RIT2: variants seen among roughly 807,000 people sequenced by gnomAD.
The protein encoded by RIT2 is Ras like without CAAX 2.
Under a neutral mutation model 23.7 loss-of-function variants are expected in RIT2, and 24 were observed. That is an observed-to-expected ratio of 1.01 (90% CI 0.73 to 1.43). RIT2 has a LOEUF of 1.43. Ranked by LOEUF, RIT2 falls within the 40% of genes most tolerant of loss-of-function variation. The pLI is 0.00. For missense variants in RIT2, 236 were observed against 266.9 expected (o/e 0.88, Z 0.81); for synonymous variants, 107 against 91.1 (o/e 1.17, Z -0.99).
chr18:42,874,531 A>G (rs1200419350), intron 4 of RIT2, among the ~76,000 whole-genome samples: 1 of 152,114 alleles, frequency 6.6e-6, no homozygotes, highest in Non-Finnish European at 1.5e-5. Context: ...ATTTTAATTG[A>G]AAAAGTAAGA....
intron 4 of RIT2, among the ~76,000 whole-genome samples, chr18:42,848,183 T>G (rs775343286): frequency 1.3e-5 from 2 of 152,088 alleles, no homozygotes; most frequent in Non-Finnish European, 2.9e-5. Context: ...AGAACAATGC[T>G]GAAAGGCAAT....
intron 4 of RIT2, among the ~76,000 whole-genome samples, chr18:42,810,847 C>T (rs890289927): frequency 4.6e-5 from 7 of 152,036 alleles, no homozygotes; most frequent in African/African-American, 1.4e-4. Flanking sequence ...CCTGGTTTTA[C>T]ACGTTGTGAC....
chr18:42,883,556 C>A (rs572813887), intron 4 of RIT2, among the ~76,000 whole-genome samples: 2 of 152,062 alleles, frequency 1.3e-5, no homozygotes, highest in South Asian at 4.2e-4. Context: ...TTTGCTTCGT[C>A]CAACATATGA....
At chr18:43,094,965 C>T (rs551437882) in intron 1 of RIT2, among the ~76,000 whole-genome samples, 201 of 152,018 alleles carry the variant, frequency 1.3e-3, no homozygotes, top group African/African-American at 4.3e-3. Context: ...CTATCATTGA[C>T]AGACATTTGG....
At chr18:42,751,972 G>A (rs766578507) in intron 4 of RIT2, among the ~76,000 whole-genome samples, 1 of 151,624 alleles carries the variant, frequency 6.6e-6, no homozygotes, top group South Asian at 2.1e-4. Flanking sequence ...CACCTCATAC[G>A]AATATTGACA....
At position 43,038,046 on chromosome 18, in the gene RIT2, T is replaced by TA. The variant is rs908286698; in HGVS notation, c.104-4180dup. Among the ~76,000 whole-genome samples, 334 of 149,698 alleles carry TA rather than the reference T, an allele frequency of 2.2e-3. 1 individual carries two copies. The highest frequency in any genetic ancestry group is 0.014 in the Middle Eastern group (4 of 294). ...GGTGAAACCCCATCTTTACTAAAAA[T>TA]AAAAAAAAATGGGCTGGGCATGGTG... is the stretch of plus-strand genomic sequence containing the variant. On this transcript the variant is annotated intron_variant, in intron 1 of 4. Coordinates refer to ENST00000326695, the MANE Select transcript of RIT2 (RefSeq NM_002930.4).
intron 3 of RIT2, among the ~76,000 whole-genome samples, chr18:42,944,588 GGA>G (rs1002736608): frequency 1.3e-5 from 2 of 152,002 alleles, no homozygotes; most frequent in African/African-American, 4.8e-5. Context: ...TTTTCACATG[GGA>G]GAGAGAGCCA....
At chr18:42,898,447 G>A (rs992515604) in intron 4 of RIT2, among the ~76,000 whole-genome samples, 1 of 152,062 alleles carries the variant, frequency 6.6e-6, no homozygotes, top group African/African-American at 2.4e-5. Flanking sequence ...GTCTTCTTTA[G>A]AAAGATTACA....
In RIT2 at chr18:43,049,972, C is replaced by CT. The variant is rs755291383; in HGVS notation, c.104-16106dup. Among the ~76,000 whole-genome samples, 203 of 65,986 alleles carry CT rather than the reference C, an allele frequency of 3.1e-3. 7 individuals are homozygous for CT. Among genetic ancestry groups the CT allele is most frequent in the African/African-American group, 0.013 (195 of 15,280 alleles). 43.3% of individuals were successfully genotyped at this position (65,986 alleles called of 152,430 possible). A position where few individuals can be genotyped will look rare whatever the true frequency, so the allele number is the denominator to read the frequency against. On this transcript the variant is annotated intron_variant, in intron 1 of 4. Coordinates refer to ENST00000326695, the MANE Select transcript of RIT2 (RefSeq NM_002930.4). ...CAATGGGTAATTGAGAAGGGATTTC[C>CT]TTTTTTTTTTTTTTTTTTTTTTTTT...
At chr18:43,040,250 T>G (rs1175986697) in intron 1 of RIT2, among the ~76,000 whole-genome samples, 1 of 152,166 alleles carries the variant, frequency 6.6e-6, no homozygotes, top group Non-Finnish European at 1.5e-5. Flanking sequence ...TGCATGCATG[T>G]GTGAGTGTGG....
intron 4 of RIT2, among the ~76,000 whole-genome samples, chr18:42,885,959 C>G (rs1343270005): frequency 1.3e-5 from 2 of 152,162 alleles, no homozygotes; most frequent in South Asian, 4.1e-4. Flanking sequence ...GGGCCGGAGT[C>G]CAACAGCTCA....
intron 1 of RIT2, among the ~76,000 whole-genome samples, chr18:43,040,371 T>G (rs759630433): frequency 6.6e-6 from 1 of 152,316 alleles, no homozygotes; most frequent in Admixed American, 6.5e-5. Context: ...GGCAAATGGC[T>G]GAACAAGCTT....
At chr18:42,897,546 G>A (rs527559747) in intron 4 of RIT2, among the ~76,000 whole-genome samples, 1 of 152,240 alleles carries the variant, frequency 6.6e-6, no homozygotes, top group African/African-American at 2.4e-5. Flanking sequence ...GGGCTAAAAT[G>A]TCATACTTTG....
At chr18:43,084,335 C>G (rs1285647740) in intron 1 of RIT2, among the ~76,000 whole-genome samples, 1 of 152,106 alleles carries the variant, frequency 6.6e-6, no homozygotes, top group African/African-American at 2.4e-5. Flanking sequence ...GGCGATTCCT[C>G]AAGGATCTGG....
rs553325954 is a variant in RIT2 at position 42,846,232 on chromosome 18, G to A, written c.426+77340C>T. 4.0e-5 allele frequency among the ~76,000 whole-genome samples: 6 copies of A among 151,806 alleles called. No homozygotes were observed. In the East Asian group the frequency reaches 9.7e-4, roughly 24 times the overall value. ...CAGACACTGAAAATATCATAAGCAA[G>A]TAGGATTAATTATAACTCAGCAAAA... On this transcript the variant is annotated intron_variant, in intron 4 of 4. Coordinates refer to ENST00000326695, the MANE Select transcript of RIT2 (RefSeq NM_002930.4).
At chr18:43,055,326 G>A (rs1912475157) in intron 1 of RIT2, among the ~76,000 whole-genome samples, 1 of 152,116 alleles carries the variant, frequency 6.6e-6, no homozygotes, top group Non-Finnish European at 1.5e-5. Context: ...GGGAGAGCTT[G>A]ATGGATGTCT....
intron 2 of RIT2, among the ~76,000 whole-genome samples, chr18:43,001,744 G>A (rs900986215): frequency 9.2e-5 from 14 of 151,822 alleles, no homozygotes; most frequent in African/African-American, 2.9e-4. Context: ...TTCTCTTTAC[G>A]TTATTAACCC....
At chr18:43,066,099 A>G (rs1207600954) in intron 1 of RIT2, among the ~76,000 whole-genome samples, 7 of 152,200 alleles carry the variant, frequency 4.6e-5, no homozygotes, top group African/African-American at 1.4e-4. Context: ...ACCTGATTAG[A>G]ATCTATGAAT....
intron 1 of RIT2, among the ~76,000 whole-genome samples, chr18:43,068,784 CAA>C (rs58558962): frequency 7.9e-5 from 12 of 151,316 alleles, no homozygotes; most frequent in East Asian, 2.0e-4. Flanking sequence ...TTCATAAATA[CAA>C]AAAAAAAAGC....
Sources: allele counts gnomAD v4.1 joint callset (sites outside exome capture counted in the v4.1 genomes callset), GRCh38; gene constraint gnomAD v4.1.1; transcripts MANE v1.5; gene names NCBI Gene and HGNC (gene_info 2026-07-23, HGNC 2026-07-21).